FBN2: variants seen among roughly 807,000 people sequenced by gnomAD.
The protein encoded by FBN2 is fibrillin-2.
A neutral mutation model predicts 355.6 loss-of-function variants in FBN2; 105 were observed. The ratio of observed to expected loss-of-function variants is 0.30; its 90% CI spans 0.25 to 0.35. The LOEUF (loss-of-function observed/expected upper bound fraction) is 0.35. Ranked by LOEUF, FBN2 falls within the 10% of genes least tolerant of loss-of-function variation. The pLI, the probability that FBN2 is intolerant of heterozygous loss-of-function variation, is 1.00. For missense variants in FBN2, 3,280 were observed against 3,758.7 expected (o/e 0.87, Z 3.33); for synonymous variants, 1,350 against 1,301.2 (o/e 1.04, Z -0.81).
intron 61 of FBN2, among the ~76,000 whole-genome samples, chr5:128,272,862 C>T (rs897548178): frequency 1.3e-5 from 2 of 151,998 alleles, no homozygotes; most frequent in Non-Finnish European, 2.9e-5. Flanking sequence ...GAGCTGAACT[C>T]GCATGTGGCA....
chr5:128,352,740 T>C (rs1221480236), intron 20 of FBN2, among the ~76,000 whole-genome samples: 1 of 152,196 alleles, frequency 6.6e-6, no homozygotes, highest in Non-Finnish European at 1.5e-5. Context: ...CCTCAGGTGA[T>C]TCTGATGTGA....
At chr5:128,450,674 A>G (rs1057445172) in intron 6 of FBN2, among the ~76,000 whole-genome samples, 4 of 152,100 alleles carry the variant, frequency 2.6e-5, no homozygotes, top group South Asian at 2.1e-4. Flanking sequence ...AATGGAATCA[A>G]TAAAATAATG....
intron 55 of FBN2, among the ~76,000 whole-genome samples, chr5:128,282,557 T>C (rs6895288): frequency 6.6e-6 from 1 of 152,170 alleles, no homozygotes; most frequent in African/African-American, 2.4e-5. Context: ...GTTTCTTCTG[T>C]AGTACATAAT....
At chr5:128,292,955 A>T (rs1749369782) in intron 48 of FBN2, among the ~76,000 whole-genome samples, 1 of 152,150 alleles carries the variant, frequency 6.6e-6, no homozygotes, top group Non-Finnish European at 1.5e-5. Context: ...GTCTTCACAA[A>T]ACAGGTTTAT....
chr5:128,491,207 A>G (rs1005659098), intron 5 of FBN2, among the ~76,000 whole-genome samples: 2 of 152,366 alleles, frequency 1.3e-5, no homozygotes, highest in East Asian at 3.9e-4. Flanking sequence ...CACAGTCTGT[A>G]CTAGCTTTAA....
At chr5:128,308,200 C>T (rs1332324178) in intron 41 of FBN2, among the ~76,000 whole-genome samples, 4 of 152,092 alleles carry the variant, frequency 2.6e-5, no homozygotes, top group Admixed American at 2.6e-4. Flanking sequence ...TAAATACAGA[C>T]ACGTCTCTCA....
At chr5:128,333,151 G>C (rs758251484) in intron 31 of FBN2, 117 bp from the exon 32 acceptor site, 16 of 888,994 alleles carry the variant, frequency 1.8e-5, no homozygotes, top group Non-Finnish European at 2.4e-5. Context: ...ATGGAGAAAA[G>C]AGTAGCCTAA....
At chr5:128,414,251 C>T (rs561484763) in intron 7 of FBN2, among the ~76,000 whole-genome samples, 3 of 152,152 alleles carry the variant, frequency 2.0e-5, no homozygotes, top group African/African-American at 7.2e-5. Flanking sequence ...TCATCCCCCC[C>T]CAAGGAAATT....
At chr5:128,274,731 A>G (rs1467534705) in intron 59 of FBN2, 48 bp from the exon 60 acceptor site, 3 of 1,131,052 alleles carry the variant, frequency 2.7e-6, no homozygotes, top group Admixed American at 3.4e-5. Context: ...CTATCTGGCT[A>G]TGTTTCCTTT....
At chr5:128,498,993 T>C (rs1043912439) in intron 5 of FBN2, among the ~76,000 whole-genome samples, 8 of 152,204 alleles carry the variant, frequency 5.3e-5, no homozygotes, top group African/African-American at 1.9e-4. Context: ...ATTTCTTAGT[T>C]TACCACATAG....
rs1751864274 is a variant in FBN2 at position 128,369,267 on chromosome 5, A to C, written c.2163T>G (p.Gly721=). Reference sequence around the variant, plus strand: ...AGCAGCATTCGGACTTGGTCACTGCACCGGGGAAAGGACGCACACACACTC... The same window carrying C: ...AGCAGCATTCGGACTTGGTCACTGCCCCGGGGAAAGGACGCACACACACTC... The part of the protein sequence containing the change: ...KKGVCVRPFP[G]AVTKSECCCA... Residue 721 remains glycine, a synonymous_variant, in exon 16 of 65, where the codon GGT becomes GGG. Coordinates refer to ENST00000262464, the MANE Select transcript of FBN2 (RefSeq NM_001999.4). 1 of 1,614,138 alleles carries C rather than the reference A, an allele frequency of 6.2e-7. No individual in the cohort carries two copies.
chr5:128,347,587 G>A (rs1751218702), intron 23 of FBN2, among the ~76,000 whole-genome samples: 1 of 152,128 alleles, frequency 6.6e-6, no homozygotes, highest in African/African-American at 2.4e-5. Context: ...TGATTCAGAT[G>A]AGGTTCTATC....
intron 23 of FBN2, among the ~76,000 whole-genome samples, chr5:128,348,852 A>G (rs907002019): frequency 6.6e-6 from 1 of 152,186 alleles, no homozygotes; most frequent in Admixed American, 6.5e-5. Flanking sequence ...ATCACTACAG[A>G]TCTTTAAAAA....
At chr5:128,338,673 G>C (rs1750910594) in intron 26 of FBN2, among the ~76,000 whole-genome samples, 1 of 152,196 alleles carries the variant, frequency 6.6e-6, no homozygotes, top group African/African-American at 2.4e-5. Context: ...TAAATAAACA[G>C]TCTGTGTGAT....
At chr5:128,398,985 T>G (rs1752723029) in intron 8 of FBN2, among the ~76,000 whole-genome samples, 1 of 152,218 alleles carries the variant, frequency 6.6e-6, no homozygotes, top group Admixed American at 6.5e-5. Flanking sequence ...AATCTCTGTC[T>G]TCTGTAAATT....
intron 11 of FBN2, among the ~76,000 whole-genome samples, chr5:128,383,397 C>T (rs1752286448): frequency 6.6e-6 from 1 of 152,018 alleles, no homozygotes; most frequent in African/African-American, 2.4e-5. Context: ...ACCCTTGTGA[C>T]CTTACATTTG....
intron 5 of FBN2, among the ~76,000 whole-genome samples, chr5:128,484,892 G>A (rs1242274626): frequency 1.3e-5 from 2 of 152,086 alleles, no homozygotes; most frequent in African/African-American, 4.8e-5. Context: ...GTGACAATAC[G>A]ATCACACCCA....
intron 11 of FBN2, among the ~76,000 whole-genome samples, chr5:128,387,909 G>A (rs532247698): frequency 2.6e-5 from 4 of 152,200 alleles, no homozygotes; most frequent in African/African-American, 9.6e-5. Flanking sequence ...TTAGTTTCCT[G>A]CCTTGATGAT....
chr5:128,534,913 G>A (rs1000627739), intron 2 of FBN2, among the ~76,000 whole-genome samples: 7 of 152,162 alleles, frequency 4.6e-5, no homozygotes, highest in Non-Finnish European at 1.0e-4. Context: ...ACTTTCCGCC[G>A]TGCCTAAGTC....
Sources: allele counts gnomAD v4.1 joint callset (sites outside exome capture counted in the v4.1 genomes callset), GRCh38; gene constraint gnomAD v4.1.1; transcripts MANE v1.5; gene names NCBI Gene and HGNC (gene_info 2026-07-23, HGNC 2026-07-21).